The following GALNTL6 variants were observed in gnomAD, a reference collection of about 807,000 sequenced individuals.
GALNTL6 encodes the protein polypeptide N-acetylgalactosaminyltransferase-like 6.
In GALNTL6, 46 loss-of-function variants were observed where a neutral mutation model predicts 73.7. The observed-to-expected ratio is 0.62, with a 90% CI of 0.49 to 0.80. GALNTL6 has a LOEUF of 0.80. Ranked by LOEUF, GALNTL6 falls within the 30% of genes least tolerant of loss-of-function variation. The probability of loss-of-function intolerance (pLI) is 0.00; values close to 1 mark genes in which losing one functional copy is unlikely to be tolerated. For synonymous variants in GALNTL6, 259 were observed against 263.7 expected (o/e 0.98, Z 0.17); for missense variants, 604 against 755.0 (o/e 0.80, Z 2.34).
intron 2 of GALNTL6, among the ~76,000 whole-genome samples, chr4:172,144,105 G>T (rs533167221): frequency 2.0e-5 from 3 of 152,198 alleles, no homozygotes; most frequent in African/African-American, 7.2e-5. Context: ...GACTTCAGGG[G>T]AATACAAGCC....
rs138448149 is a variant in GALNTL6 at position 172,336,270 on chromosome 4, G to GTTTTTTTTTTTTTTTTTTT, written c.387-12249_387-12248insTTTTTTTTTTTTTTTTTTT. 5.5e-5 allele frequency among the ~76,000 whole-genome samples: 6 copies of GTTTTTTTTTTTTTTTTTTT among 108,436 alleles called. 2 individuals carry two copies. The highest frequency in any genetic ancestry group is 7.5e-5 in the African/African-American group (2 of 26,830). 71.1% of individuals were successfully genotyped at this position (108,436 alleles called of 152,430 possible). A position where few individuals can be genotyped will look rare whatever the true frequency, so the allele number is the denominator to read the frequency against. ...TGAGAACTCTTCTTGGTATAGTTTT[G>GTTTTTTTTTTTTTTTTTTT]TTTTGTTTTTTTTTTTTTTTGACTG... On this transcript the variant is annotated intron_variant, in intron 4 of 12. Coordinates refer to ENST00000506823, the MANE Select transcript of GALNTL6 (RefSeq NM_001034845.3).
intron 3 of GALNTL6, among the ~76,000 whole-genome samples, chr4:172,269,732 CT>C (rs1393985199): frequency 6.6e-6 from 1 of 152,010 alleles, no homozygotes; most frequent in Non-Finnish European, 1.5e-5. Flanking sequence ...TTCTCTCTCT[CT>C]CTCTCTCTTT....
intron 2 of GALNTL6, among the ~76,000 whole-genome samples, chr4:171,889,647 G>C (rs1281579027): frequency 6.6e-6 from 1 of 151,984 alleles, no homozygotes; most frequent in East Asian, 1.9e-4. Flanking sequence ...AGGTTTGACT[G>C]TCCTTATATT....
At chr4:172,470,676 T>TA (rs1339023136) in intron 5 of GALNTL6, among the ~76,000 whole-genome samples, 3 of 152,030 alleles carry the variant, frequency 2.0e-5, no homozygotes, top group Non-Finnish European at 4.4e-5. Flanking sequence ...TACTACTTGT[T>TA]AAAAAAAGGA....
chr4:172,194,422 G>A (rs962586976), intron 2 of GALNTL6, among the ~76,000 whole-genome samples: 1 of 152,098 alleles, frequency 6.6e-6, no homozygotes, highest in Non-Finnish European at 1.5e-5. Context: ...AGCATAACAG[G>A]ACAACATTCA....
intron 3 of GALNTL6, among the ~76,000 whole-genome samples, chr4:172,269,130 C>T (rs957716165): frequency 2.0e-5 from 3 of 152,056 alleles, no homozygotes; most frequent in South Asian, 4.2e-4. Flanking sequence ...AAATAAATTG[C>T]CTGCTCACCT....
At position 173,009,309 on chromosome 4, in the gene GALNTL6, A is replaced by ACTGCCCTGGCTTCTGG; in HGVS notation, c.1488+15_1488+16insCTGCCCTGGCTTCTGG. 1 of 1,533,318 alleles carries ACTGCCCTGGCTTCTGG rather than the reference A, an allele frequency of 6.5e-7. No homozygotes were observed. Among genetic ancestry groups the ACTGCCCTGGCTTCTGG allele is most frequent in the Non-Finnish European group, 9.0e-7 (1 of 1,106,466 alleles). 95.0% of individuals were successfully genotyped at this position (1,533,318 alleles called of 1,614,324 possible). On this transcript the variant is annotated intron_variant, in intron 11 of 12. Transcript: ENST00000506823. ...CTCATGAACAGGTGAGTCACCTCCC[A>ACTGCCCTGGCTTCTGG]GAAGCCAGGGCAGTGGGAACCAGTC...
intron 8 of GALNTL6, among the ~76,000 whole-genome samples, chr4:172,914,019 G>A (rs1747360619): frequency 6.6e-6 from 1 of 152,194 alleles, no homozygotes; most frequent in Non-Finnish European, 1.5e-5. Flanking sequence ...ACAAAGGGAA[G>A]CCCATCAGAC....
chr4:172,316,378 G>A (rs555026192), intron 4 of GALNTL6, among the ~76,000 whole-genome samples: 15 of 152,156 alleles, frequency 9.9e-5, no homozygotes, highest in African/African-American at 3.1e-4. Flanking sequence ...TGAGTAGCTG[G>A]GATATTTTAA....
chr4:172,639,419 C>G (rs1739857109), intron 5 of GALNTL6, among the ~76,000 whole-genome samples: 1 of 152,122 alleles, frequency 6.6e-6, no homozygotes. Context: ...TTTCTCTTCA[C>G]TTGTTTCACT....
chr4:172,765,721 TATTTCCTCTTC>T (rs1738367388), intron 5 of GALNTL6, among the ~76,000 whole-genome samples: 1 of 152,118 alleles, frequency 6.6e-6, no homozygotes, highest in South Asian at 2.1e-4. Context: ...CTGCTAAATC[TATTTCCTCTTC>T]AGTCGTCTCC....
At chr4:173,022,106 GGAAA>G (rs1417462981) in intron 12 of GALNTL6, among the ~76,000 whole-genome samples, 25 of 99,444 alleles carry the variant, frequency 2.5e-4, no homozygotes, top group Non-Finnish European at 3.9e-4. Context: ...AAGGAAGGAA[GGAAA>G]GAAGGAAGGA....
rs186513838 is a variant in GALNTL6 at position 172,965,911 on chromosome 4, A to G, written c.1371+13653A>G. ...CAGGAGTCCATGACATTTTAAGTGT[A>G]TGTTAGCCTACTCATCAATTCATCT... is the stretch of plus-strand genomic sequence containing the variant. On this transcript the variant is annotated intron_variant, in intron 10 of 12. Transcript: ENST00000506823. Among the ~76,000 whole-genome samples the G allele has an allele frequency of 5.3e-5, 8 of 152,326 alleles. No individual in the cohort carries two copies. In the East Asian group the frequency reaches 1.5e-3, roughly 29 times the overall value.
chr4:171,992,746 G>A (rs1304193157), intron 2 of GALNTL6, among the ~76,000 whole-genome samples: 1 of 151,984 alleles, frequency 6.6e-6, no homozygotes, highest in African/African-American at 2.4e-5. Context: ...AAACTAGAAA[G>A]CCTAAGTAGC....
Position 171,958,436 on chromosome 4 carries a change from A to T in GALNTL6, c.138+143718A>T, listed in dbSNP as rs189849270. Among the ~76,000 whole-genome samples the T allele has an allele frequency of 1.6e-3, 244 of 152,226 alleles. 1 individual carries two copies. The highest frequency in any genetic ancestry group is 2.6e-3 in the Non-Finnish European group (180 of 67,990). On this transcript the variant is annotated intron_variant, in intron 2 of 12. Coordinates refer to ENST00000506823, the MANE Select transcript of GALNTL6 (RefSeq NM_001034845.3). ...AAGGAAAATGTTTACAAATGGGAAAATTTTTGTTTTTTTAACATGTATCAA... is the reference window on the plus strand; with the variant it reads ...AAGGAAAATGTTTACAAATGGGAAATTTTTTGTTTTTTTAACATGTATCAA...
intron 2 of GALNTL6, among the ~76,000 whole-genome samples, chr4:172,224,462 T>C (rs1736785917): frequency 6.6e-6 from 1 of 152,232 alleles, no homozygotes. Flanking sequence ...TTATGAAAAC[T>C]AAGATAGGTT....
intron 2 of GALNTL6, among the ~76,000 whole-genome samples, chr4:171,920,317 A>G (rs1365865091): frequency 6.6e-6 from 1 of 152,226 alleles, no homozygotes; most frequent in African/African-American, 2.4e-5. Context: ...CCAACGTGGC[A>G]CATGTATACA....
chr4:171,881,198 T>A (rs1281056028), intron 2 of GALNTL6, among the ~76,000 whole-genome samples: 1 of 152,204 alleles, frequency 6.6e-6, no homozygotes, highest in African/African-American at 2.4e-5. Flanking sequence ...AATACATTAA[T>A]TTCATTAACA....
intron 5 of GALNTL6, among the ~76,000 whole-genome samples, chr4:172,582,938 T>G (rs879659590): frequency 2.6e-5 from 4 of 152,232 alleles, no homozygotes; most frequent in Non-Finnish European, 5.9e-5. Context: ...TATCCCTTTC[T>G]CTAAGAAATC....
Sources: gnomAD v4.1 joint callset for allele counts (sites outside exome capture counted in the v4.1 genomes callset) on GRCh38, gnomAD v4.1.1 for gene constraint, MANE v1.5 for transcripts, NCBI Gene and HGNC (gene_info 2026-07-23, HGNC 2026-07-21) for gene names.